The following EYA2 variants were observed in gnomAD, a reference collection of about 807,000 sequenced individuals.
The protein encoded by EYA2 is EYA transcriptional coactivator and phosphatase 2, also known as protein phosphatase EYA2.
Under a neutral mutation model 69.2 loss-of-function variants are expected in EYA2, and 31 were observed. The observed-to-expected ratio is 0.45, with a 90% CI of 0.34 to 0.60. The LOEUF is 0.60. EYA2 is among the 20% of genes least tolerant of loss of function. The pLI, the probability that EYA2 is intolerant of heterozygous loss-of-function variation, is 0.02. For synonymous variants in EYA2, 257 were observed against 279.4 expected (o/e 0.92, Z 0.80); for missense variants, 622 against 701.2 (o/e 0.89, Z 1.28).
chr20:46,990,897 C>T (rs1228166370), intron 2 of EYA2, among the ~76,000 whole-genome samples: 1 of 152,162 alleles, frequency 6.6e-6, no homozygotes, highest in Non-Finnish European at 1.5e-5. Context: ...TGACACGTAT[C>T]TAGTGGAATA....
At chr20:47,095,546 T>G (rs932588223) in intron 8 of EYA2, among the ~76,000 whole-genome samples, 1 of 152,030 alleles carries the variant, frequency 6.6e-6, no homozygotes, top group African/African-American at 2.4e-5. Context: ...TCATGGAATT[T>G]GAGGATACCA....
At chr20:46,978,800 T>C (rs1350042675) in intron 1 of EYA2, among the ~76,000 whole-genome samples, 1 of 152,080 alleles carries the variant, frequency 6.6e-6, no homozygotes, top group Non-Finnish European at 1.5e-5. Context: ...AGGTGAACTT[T>C]ATAAGGCCTG....
intron 9 of EYA2, among the ~76,000 whole-genome samples, chr20:47,120,767 T>C (rs1489905862): frequency 6.6e-6 from 1 of 152,118 alleles, no homozygotes; most frequent in South Asian, 2.1e-4. Context: ...GCACTGAGAG[T>C]GCTCTGGAAG....
At chr20:47,119,503 A>C (rs1398422757) in intron 9 of EYA2, among the ~76,000 whole-genome samples, 1 of 152,212 alleles carries the variant, frequency 6.6e-6, no homozygotes, top group African/African-American at 2.4e-5. Flanking sequence ...TATGAAAAGG[A>C]ATGGGGTACT....
At chr20:46,911,640 A>C (rs1984647122) in intron 1 of EYA2, among the ~76,000 whole-genome samples, 1 of 152,214 alleles carries the variant, frequency 6.6e-6, no homozygotes. Context: ...AAAAAGTTTG[A>C]AAGTAGCATG....
chr20:47,036,961 G>A (rs192686729), intron 5 of EYA2, among the ~76,000 whole-genome samples: 22 of 152,298 alleles, frequency 1.4e-4, no homozygotes, highest in African/African-American at 5.1e-4. Context: ...ATAACTGACC[G>A]AGACTGGGTA....
chr20:46,945,323 G>A (rs6063041), intron 1 of EYA2, among the ~76,000 whole-genome samples: 47,242 of 152,056 alleles, frequency 0.31, 9,117 homozygotes, highest in Non-Finnish European at 0.43. Context: ...TTAAGAGTTC[G>A]CCACATTCAG....
intron 4 of EYA2, among the ~76,000 whole-genome samples, chr20:47,010,803 T>C (rs992925253): frequency 5.9e-4 from 89 of 151,300 alleles, no homozygotes; most frequent in South Asian, 2.1e-3. Flanking sequence ...TTTTTTTTTT[T>C]TTGAGATGTA....
At chr20:47,038,874 G>T (rs1180141047) in intron 5 of EYA2, among the ~76,000 whole-genome samples, 1 of 151,956 alleles carries the variant, frequency 6.6e-6, no homozygotes, top group Non-Finnish European at 1.5e-5. Flanking sequence ...CTCCTGAGGG[G>T]CTTTTGTGAA....
chr20:46,963,376 G>A (rs1196920627), intron 1 of EYA2, among the ~76,000 whole-genome samples: 1 of 152,236 alleles, frequency 6.6e-6, no homozygotes, highest in Non-Finnish European at 1.5e-5. Context: ...AAAAAGAAAT[G>A]TACTGAGTAG....
chr20:47,123,558 A>C (rs2033105214), intron 9 of EYA2, among the ~76,000 whole-genome samples: 1 of 152,212 alleles, frequency 6.6e-6, no homozygotes, highest in African/African-American at 2.4e-5. Context: ...CCATGAGCAC[A>C]AAAGGCTGAA....
At chr20:47,035,085 A>C (rs1388076256) in intron 5 of EYA2, among the ~76,000 whole-genome samples, 1 of 152,194 alleles carries the variant, frequency 6.6e-6, no homozygotes, top group East Asian at 1.9e-4. Flanking sequence ...ATAGCCTTTC[A>C]AGGGACGCAA....
At position 47,089,352 on chromosome 20, in the gene EYA2, C is replaced by T; in HGVS notation, c.775C>T (p.Pro259Ser). The change falls in exon 8 of 16, where the codon CCG (proline) becomes TCG (serine). Residue 259 changes from proline to serine, a missense_variant. Physicochemically the swap from Pro to Ser is moderately conservative, Grantham distance 74 (BLOSUM62 -1). Transcript: ENST00000327619. ...AGGCCGGTCTAAGAGGAGCAGTGAC[C>T]CGTCCCCGGCAGGGGACAATGAGAT... Reference protein sequence around the residue: ...LRGRSKRSSDPSPAGDNEIER... With the variant: ...LRGRSKRSSDSSPAGDNEIER... 2 of 1,614,066 alleles carry T rather than the reference C, an allele frequency of 1.2e-6. No homozygotes were observed. The highest frequency in any genetic ancestry group is 1.7e-6 in the Non-Finnish European group (2 of 1,179,972).
intron 5 of EYA2, among the ~76,000 whole-genome samples, chr20:47,035,938 G>A (rs1452784479): frequency 2.6e-5 from 4 of 152,136 alleles, no homozygotes; most frequent in East Asian, 3.9e-4. Flanking sequence ...TTGAGCCTGG[G>A]CAGTCGAGGC....
rs939261242 is a variant in EYA2 at position 46,894,972 on chromosome 20, C to G, written c.-26C>G. The G allele has an allele frequency of 2.0e-5, 3 of 151,638 alleles. No homozygotes were observed. Among genetic ancestry groups the G allele is most frequent in the Admixed American group, 6.6e-5 (1 of 15,198 alleles). The allele number at this position is 151,638 out of a possible 1,614,324, so 9.4% of individuals were successfully genotyped here. A position where few individuals can be genotyped will look rare whatever the true frequency, so the allele number is the denominator to read the frequency against. On this transcript the variant is annotated 5_prime_UTR_variant, in exon 1 of 16. Coordinates refer to ENST00000327619, the MANE Select transcript of EYA2 (RefSeq NM_005244.5). ...CCCGCCCGCACCGCGTCGGGGCGCC[C>G]TCTCCACTGCGCGCGGTGAGTACCG...
intron 9 of EYA2, among the ~76,000 whole-genome samples, chr20:47,135,033 A>G (rs911159900): frequency 9.2e-5 from 14 of 151,712 alleles, no homozygotes; most frequent in African/African-American, 3.4e-4. Context: ...AGGCTGAGGC[A>G]CAAGAATGGC....
At chr20:47,080,192 G>T (rs1389873570) in intron 7 of EYA2, among the ~76,000 whole-genome samples, 1 of 152,006 alleles carries the variant, frequency 6.6e-6, no homozygotes, top group Non-Finnish European at 1.5e-5. Flanking sequence ...AAAGATTTTT[G>T]GGAAGTTCCC....
intron 2 of EYA2, among the ~76,000 whole-genome samples, chr20:47,000,503 C>G (rs1289486359): frequency 1.3e-5 from 2 of 152,202 alleles, no homozygotes; most frequent in Admixed American, 1.3e-4. Flanking sequence ...TGGGCATTGG[C>G]AGGTTGACGC....
chr20:47,053,667 CAAAAAA>C (rs1215223667), intron 5 of EYA2, among the ~76,000 whole-genome samples: 1 of 66,792 alleles, frequency 1.5e-5, no homozygotes. Context: ...GACCTTGTCT[CAAAAAA>C]AAAAAAAAAA....
Sources: gnomAD v4.1 joint callset for allele counts (sites outside exome capture counted in the v4.1 genomes callset) on GRCh38, gnomAD v4.1.1 for gene constraint, MANE v1.5 for transcripts, NCBI Gene and HGNC (gene_info 2026-07-23, HGNC 2026-07-21) for gene names.